ACTN1: variants seen among roughly 807,000 people sequenced by gnomAD.
The protein encoded by ACTN1 is actinin alpha 1.
In ACTN1, 30 loss-of-function variants were observed where a neutral mutation model predicts 119.6. The observed-to-expected ratio is 0.25, with a 90% CI of 0.19 to 0.34. The LOEUF is 0.34. ACTN1 is among the 10% of genes least tolerant of loss of function. The pLI, the probability that ACTN1 is intolerant of heterozygous loss-of-function variation, is 1.00. For synonymous variants in ACTN1, 429 were observed against 472.6 expected (o/e 0.91, Z 1.20); for missense variants, 764 against 1,223.4 (o/e 0.62, Z 5.60).
intron 2 of ACTN1, among the ~76,000 whole-genome samples, chr14:68,922,373 T>C (rs185994810): frequency 1.4e-4 from 21 of 152,356 alleles, no homozygotes; most frequent in Admixed American, 1.1e-3. Context: ...GAAGCACAGC[T>C]GTTTTTTAAA....
At chr14:68,942,725 G>A (rs2035804221) in intron 1 of ACTN1, among the ~76,000 whole-genome samples, 1 of 152,208 alleles carries the variant, frequency 6.6e-6, no homozygotes, top group Admixed American at 6.5e-5. Context: ...ATTTTAGGGG[G>A]TAACTCAGCA....
At chr14:68,890,768 C>A (rs529866800) in intron 10 of ACTN1, among the ~76,000 whole-genome samples, 2 of 152,322 alleles carry the variant, frequency 1.3e-5, no homozygotes, top group South Asian at 2.1e-4. Context: ...TAACCTGGAG[C>A]CTACAGAGAC....
intron 1 of ACTN1, among the ~76,000 whole-genome samples, chr14:68,976,872 G>A (rs184077247): frequency 2.6e-5 from 4 of 152,312 alleles, no homozygotes; most frequent in African/African-American, 7.2e-5. Context: ...CAGTTTCCCA[G>A]ACCACCTCTT....
intron 3 of ACTN1, among the ~76,000 whole-genome samples, chr14:68,918,863 G>T (rs186744439): frequency 6.6e-5 from 10 of 152,320 alleles, no homozygotes; most frequent in Admixed American, 6.5e-4. Flanking sequence ...CTGCCACATA[G>T]AAGCAGTCTG....
intron 8 of ACTN1, among the ~76,000 whole-genome samples, chr14:68,901,520 T>A (rs2033331806): frequency 6.6e-6 from 1 of 152,214 alleles, no homozygotes; most frequent in East Asian, 1.9e-4. Context: ...AGTGCTGGGA[T>A]TACAGGCGTG....
rs2031661752 is a variant in ACTN1, at chr14:68,882,689, C to A, written c.1819-97G>T. The A allele has an allele frequency of 6.4e-7, 1 of 1,566,746 alleles. No homozygotes were observed. Among genetic ancestry groups the A allele is most frequent in the South Asian group, 1.2e-5 (1 of 85,454 alleles). On this transcript the variant is annotated intron_variant, in intron 15 of 21. Transcript: ENST00000394419. The surrounding 1 kb of genome is among the most constrained non-coding windows in gnomAD (Gnocchi z 4.5). The stretch of plus-strand genomic sequence containing the variant: ...AGGACCCAGAAGGGGAAGGGCCGGT[C>A]AGTAACAGAACAGGAGTAAAGGTGT...
chr14:68,903,844 C>T (rs2033500555), intron 7 of ACTN1, among the ~76,000 whole-genome samples: 1 of 152,154 alleles, frequency 6.6e-6, no homozygotes, highest in Non-Finnish European at 1.5e-5. Flanking sequence ...CCGAGACGCT[C>T]TACACAGGGA....
Position 68,885,527 on chromosome 14 carries a change from G to A in ACTN1, c.1283C>T (p.Ser428Leu), listed in dbSNP as rs778885954. The change falls in exon 12 of 22, where the codon TCG (serine) becomes TTG (leucine). Residue 428 changes from serine (S) to leucine (L), a missense_variant. Ser to Leu is a moderately radical substitution (Grantham distance 145). This residue lies in a region of ACTN1 where 544 missense variants were observed against 912.0 expected (regional missense o/e 0.60). Coordinates refer to ENST00000394419, the MANE Select transcript of ACTN1 (RefSeq NM_001130004.2). This position sits in a 1 kb window ranked among gnomAD's most constrained non-coding sequence, Gnocchi z 5.6. ...RQKDYETATL[S>L]EIKALLKKHE... ...CTTCTTGAGCAGGGCCTTGATCTCC[G>A]AGAGGGTGGCGGTCTCATAGTCCTT... 3 of 1,614,040 alleles carry A rather than the reference G, an allele frequency of 1.9e-6. No homozygotes were observed. The highest frequency in any genetic ancestry group is 2.5e-6 in the Non-Finnish European group (3 of 1,180,024).
At chr14:68,961,258 A>G (rs2140608951) in intron 1 of ACTN1, among the ~76,000 whole-genome samples, 1 of 152,360 alleles carries the variant, frequency 6.6e-6, no homozygotes, top group South Asian at 2.1e-4. Context: ...AGTGTTTTTG[A>G]TAAAATGCCA....
chr14:68,937,143 T>C (rs747660596), intron 1 of ACTN1, among the ~76,000 whole-genome samples: 2 of 152,070 alleles, frequency 1.3e-5, no homozygotes, highest in Admixed American at 1.3e-4. Context: ...CCACCCTCAC[T>C]TGCAGTCCAT....
At chr14:68,893,262 G>A (rs11626859) in intron 9 of ACTN1, among the ~76,000 whole-genome samples, 21,475 of 152,056 alleles carry the variant, frequency 0.14, 1,785 homozygotes, top group African/African-American at 0.22. Flanking sequence ...AGCCTGAGCC[G>A]GCACTAATTT....
intron 3 of ACTN1, among the ~76,000 whole-genome samples, chr14:68,912,779 T>C (rs1045441871): frequency 3.9e-5 from 6 of 152,008 alleles, no homozygotes; most frequent in African/African-American, 1.5e-4. Context: ...TTGGAGACAG[T>C]GGGTACATCA....
At chr14:68,939,593 G>A (rs548859450) in intron 1 of ACTN1, among the ~76,000 whole-genome samples, 7 of 152,292 alleles carry the variant, frequency 4.6e-5, no homozygotes, top group South Asian at 2.1e-4. Flanking sequence ...TAGGAAGACC[G>A]AAAGCGGCTT....
At chr14:68,876,548 T>G (rs1385273586) in intron 21 of ACTN1, among the ~76,000 whole-genome samples, 1 of 152,186 alleles carries the variant, frequency 6.6e-6, no homozygotes, top group Non-Finnish European at 1.5e-5. Flanking sequence ...GGACTGAGCC[T>G]CTGGCATCCA....
intron 2 of ACTN1, among the ~76,000 whole-genome samples, chr14:68,921,786 C>T (rs1336707587): frequency 6.6e-6 from 1 of 152,138 alleles, no homozygotes; most frequent in Non-Finnish European, 1.5e-5. Flanking sequence ...AGCAGCCCAT[C>T]CCCATCTGAG....
chr14:68,977,057 T>C (rs2037085593), intron 1 of ACTN1, among the ~76,000 whole-genome samples: 1 of 152,190 alleles, frequency 6.6e-6, no homozygotes, highest in Non-Finnish European at 1.5e-5. Flanking sequence ...CTCACAGTCC[T>C]TTCAGGGGCC....
At chr14:68,919,914 G>A (rs754992057) in intron 3 of ACTN1, among the ~76,000 whole-genome samples, 84 of 152,164 alleles carry the variant, frequency 5.5e-4, no homozygotes, top group Non-Finnish European at 1.1e-3. Flanking sequence ...GCAGTTTGCT[G>A]AGCCTGTGTT....
intron 1 of ACTN1, among the ~76,000 whole-genome samples, chr14:68,967,754 C>A (rs570662599): frequency 6.6e-6 from 1 of 152,166 alleles, no homozygotes; most frequent in Admixed American, 6.5e-5. Context: ...CAACTGGGAC[C>A]CCACTTGTTG....
intron 6 of ACTN1, among the ~76,000 whole-genome samples, chr14:68,906,444 C>G (rs887892429): frequency 2.0e-5 from 3 of 152,156 alleles, no homozygotes; most frequent in Non-Finnish European, 4.4e-5. Flanking sequence ...ATACATCATC[C>G]AGGATGTTTT....
Sources: gnomAD v4.1 joint callset for allele counts (sites outside exome capture counted in the v4.1 genomes callset) on GRCh38, gnomAD v4.1.1 for gene constraint, gnomAD v4.1.1 regional missense constraint, Gnocchi (gnomAD v3.1) non-coding constraint, MANE v1.5 for transcripts, NCBI Gene and HGNC (gene_info 2026-07-23, HGNC 2026-07-21) for gene names.